GTF2H1: variants seen among roughly 807,000 people sequenced by gnomAD.
GTF2H1 encodes BTF2 p62.
Under a neutral mutation model 71.2 loss-of-function variants are expected in GTF2H1, and 16 were observed. The observed-to-expected ratio is 0.22, with a 90% CI of 0.15 to 0.34. GTF2H1 has a LOEUF of 0.34. Among genes scored for constraint, GTF2H1 ranks in the 10% least tolerant of loss-of-function variants. GTF2H1 has a pLI of 1.00. For synonymous variants in GTF2H1, 215 were observed against 219.0 expected (o/e 0.98, Z 0.16); for missense variants, 498 against 648.2 (o/e 0.77, Z 2.52).
chr11:18,344,201 A>G (rs1323239730), intron 7 of GTF2H1, among the ~76,000 whole-genome samples: 1 of 152,172 alleles, frequency 6.6e-6, no homozygotes, highest in Non-Finnish European at 1.5e-5. Context: ...TGTGGGATCT[A>G]CACAAACGCT....
chr11:18,345,882 T>C (rs1865282498), intron 7 of GTF2H1, among the ~76,000 whole-genome samples: 1 of 149,368 alleles, frequency 6.7e-6, no homozygotes. Flanking sequence ...CTCTGCCCCC[T>C]GGGGTTCATG....
chr11:18,364,459 T>G (rs547138303), intron 14 of GTF2H1, among the ~76,000 whole-genome samples: 7 of 152,292 alleles, frequency 4.6e-5, no homozygotes, highest in African/African-American at 1.4e-4. Flanking sequence ...TATGCACATG[T>G]AGTCCCAGCT....
At position 18,341,142 on chromosome 11, in the gene GTF2H1, A is replaced by G. The variant is rs1368013495; in HGVS notation, c.608-119A>G. ...TATTTATAATTAGATTATAACTTAT[A>G]GTATGTAGAGTTGAGAGCTTTATGG... is the stretch of plus-strand genomic sequence containing the variant. On this transcript the variant is annotated intron_variant, in intron 5 of 14. Transcript: ENST00000265963. The G allele has an allele frequency of 5.9e-6, 4 of 677,786 alleles. No homozygotes were observed. The East Asian group carries it at 8.2e-5, about 14-fold the overall frequency. The allele number at this position is 677,786 out of a possible 1,614,324, so 42.0% of individuals were successfully genotyped here. A position where few individuals can be genotyped will look rare whatever the true frequency, so the allele number is the denominator to read the frequency against.
chr11:18,354,601 C>G lies in GTF2H1; in HGVS notation c.1260+2155C>G, dbSNP rs147479407. ...CATGTGTCACCACACAACAAACTTA[C>G]ATCTGGTAGTTTTTTTAGAATCACT... On this transcript the variant is annotated intron_variant, in intron 11 of 14. Coordinates refer to ENST00000265963, the MANE Select transcript of GTF2H1 (RefSeq NM_005316.4). Among the ~76,000 whole-genome samples, 13 of 152,180 alleles carry G rather than the reference C, an allele frequency of 8.5e-5. No homozygotes were observed. The East Asian group carries it at 2.3e-3, about 27-fold the overall frequency.
rs545735526 is a variant in GTF2H1 at position 18,333,340 on chromosome 11, T to C, written c.154+112T>C. 3.9e-6 allele frequency: 3 copies of C among 766,400 alleles called. No homozygotes were observed. The South Asian group carries it at 6.3e-5, about 16-fold the overall frequency. The allele number at this position is 766,400 out of a possible 1,614,324, so 47.5% of individuals were successfully genotyped here. On this transcript the variant is annotated intron_variant, in intron 2 of 14. Transcript: ENST00000265963. ...TATCAAAAAATCAACTATGTAGAAATAATTACAAAATGGGGTCACTGAATA... is the reference window on the plus strand; with the variant it reads ...TATCAAAAAATCAACTATGTAGAAACAATTACAAAATGGGGTCACTGAATA...
intron 1 of GTF2H1, among the ~76,000 whole-genome samples, chr11:18,329,268 C>T (rs755714090): frequency 3.0e-4 from 46 of 152,206 alleles, no homozygotes; most frequent in Non-Finnish European, 6.0e-4. Flanking sequence ...TGCAGACTAT[C>T]TCCACCTGCA....
intron 2 of GTF2H1, 150 bp downstream of exon 2, chr11:18,333,378 TA>T: frequency 1.8e-6 from 1 of 545,360 alleles, no homozygotes; most frequent in Non-Finnish European, 3.1e-6. Flanking sequence ...TACTGTTTTA[TA>T]ACCTGACCTT....
chr11:18,332,266 G>T (rs1864918574), intron 1 of GTF2H1, among the ~76,000 whole-genome samples: 1 of 152,198 alleles, frequency 6.6e-6, no homozygotes, highest in Non-Finnish European at 1.5e-5. Context: ...ACCAGAAATG[G>T]CATATATGTG....
intron 1 of GTF2H1, among the ~76,000 whole-genome samples, chr11:18,326,535 T>C (rs1209734626): frequency 6.8e-6 from 1 of 147,056 alleles, no homozygotes; most frequent in Non-Finnish European, 1.5e-5. Flanking sequence ...AAAAAAAAGG[T>C]TATGTTTTTC....
intron 7 of GTF2H1, chr11:18,341,875 C>A: frequency 3.3e-6 from 1 of 306,268 alleles, no homozygotes; most frequent in Non-Finnish European, 6.1e-6. Context: ...ATAATAAAGG[C>A]TTAATGTGAT....
intron 1 of GTF2H1, chr11:18,326,147 A>G (rs1011017178): frequency 6.6e-6 from 1 of 152,230 alleles, no homozygotes; most frequent in African/African-American, 2.4e-5. Context: ...TTTGTGCCCA[A>G]TGTTCGGTAA....
At chr11:18,343,012 C>T (rs1460034352) in intron 7 of GTF2H1, among the ~76,000 whole-genome samples, 1 of 152,186 alleles carries the variant, frequency 6.6e-6, no homozygotes, top group Non-Finnish European at 1.5e-5. Context: ...ACCTCTACCT[C>T]CTGGGTTCAA....
Position 18,365,844 on chromosome 11 carries a change from C to T in GTF2H1, c.1622C>T (p.Ser541Leu), listed in dbSNP as rs772699964. Reference protein sequence around the residue: ...TAYNKLHTWQSRRLMKKT With the variant: ...TAYNKLHTWQLRRLMKKT ...TACAACAAGCTCCACACATGGCAGT[C>T]ACGGCGTCTGATGAAGAAAACGTGA... Residue 541 changes from serine (S) to leucine (L), a missense_variant, in exon 15 of 15, where the codon TCA becomes TTA. By Grantham distance (145) the Ser-to-Leu change is moderately radical. This residue lies in a region of GTF2H1 where 266 missense variants were observed against 301.6 expected (regional missense o/e 0.88). Transcript: ENST00000265963. 6.9e-5 allele frequency: 112 copies of T among 1,613,414 alleles called. 1 individual carries two copies. The South Asian group carries it at 1.2e-3, about 17-fold the overall frequency.
At chr11:18,364,005 C>G (rs1019181992) in intron 14 of GTF2H1, among the ~76,000 whole-genome samples, 1 of 151,608 alleles carries the variant, frequency 6.6e-6, no homozygotes, top group Admixed American at 6.6e-5. Context: ...ACCTGGGAGG[C>G]GGAGATTGCA....
Position 18,360,784 on chromosome 11 carries a change from T to TA in GTF2H1, c.1560+80dup, listed in dbSNP as rs541979102. ...TGATGAAATTGATTTTGCTTTCATG[T>TA]AAATGAGTAGATACTTAATTTTCTT... On this transcript the variant is annotated intron_variant, in intron 14 of 14. Transcript: ENST00000265963. 86 of 771,562 alleles carry TA rather than the reference T, an allele frequency of 1.1e-4. No individual in the cohort carries two copies. The African/African-American group carries it at 1.5e-3, about 13-fold the overall frequency. The allele number at this position is 771,562 out of a possible 1,614,324, so 47.8% of individuals were successfully genotyped here.
intron 11 of GTF2H1, among the ~76,000 whole-genome samples, chr11:18,352,778 A>G (rs773069627): frequency 6.6e-6 from 1 of 152,248 alleles, no homozygotes; most frequent in Non-Finnish European, 1.5e-5. Flanking sequence ...TAAAATATGT[A>G]AAACAGCTCA....
chr11:18,338,083 TA>T, intron 3 of GTF2H1, 25 bp from the exon 4 acceptor site: 1 of 1,538,668 alleles, frequency 6.5e-7, no homozygotes, highest in Non-Finnish European at 9.0e-7. Context: ...GAAGTTCAGT[TA>T]TATTCAGTAT....
At chr11:18,347,557 TA>T in intron 7 of GTF2H1, 30 bp from the exon 8 acceptor site, 1 of 1,505,854 alleles carries the variant, frequency 6.6e-7, no homozygotes, top group Admixed American at 2.4e-5. Flanking sequence ...AGAACCTTTT[TA>T]AAAAATTTTT....
chr11:18,345,796 G>GTTTTTTTTTTT (rs1554955087), intron 7 of GTF2H1, among the ~76,000 whole-genome samples: 8 of 125,212 alleles, frequency 6.4e-5, no homozygotes, highest in African/African-American at 9.0e-5. Context: ...GCACATATGA[G>GTTTTTTTTTTT]TTTTTTTTTT....
Sources: allele counts gnomAD v4.1 joint callset (sites outside exome capture counted in the v4.1 genomes callset), GRCh38; gene constraint gnomAD v4.1.1; regional missense constraint gnomAD v4.1.1; transcripts MANE v1.5; gene names NCBI Gene and HGNC (gene_info 2026-07-23, HGNC 2026-07-21).